Variants in ENO1 observed in about 807,000 individuals in gnomAD.
The protein encoded by ENO1 is alpha-enolase.
In ENO1, 33 loss-of-function variants were observed where a neutral mutation model predicts 46.3. The observed-to-expected ratio is 0.71, with a 90% CI of 0.54 to 0.95. The LOEUF is 0.95. Among genes scored for constraint, ENO1 ranks in the 40% least tolerant of loss-of-function variants. The pLI, the probability that ENO1 is intolerant of heterozygous loss-of-function variation, is 0.00. For missense variants in ENO1, 488 were observed against 553.3 expected (o/e 0.88, Z 1.18); for synonymous variants, 220 against 216.0 (o/e 1.02, Z -0.16).
rs760834032 is a variant in ENO1 at position 8,864,021 on chromosome 1, T to A, written c.937A>T (p.Ile313Phe). ...GTGAGATCATCCCCCACTACCTGGA[T>A]TCCTGCACTGGCTGTGAACTTCTGC... Reference protein sequence around the residue: ...AWQKFTASAGIQVVGDDLTVT... With the variant: ...AWQKFTASAGFQVVGDDLTVT... The change falls in exon 9 of 12, where the codon ATC (isoleucine) becomes TTC (phenylalanine). Residue 313 changes from isoleucine to phenylalanine, a missense_variant. Coordinates refer to ENST00000234590, the MANE Select transcript of ENO1 (RefSeq NM_001428.5). 5.6e-6 allele frequency: 9 copies of A among 1,614,166 alleles called. No homozygotes were observed. The highest frequency in any genetic ancestry group is 3.3e-4 in the Middle Eastern group (2 of 6,062).
At chr1:8,871,248 T>C (rs1642626894) in intron 3 of ENO1, 61 of 1,015,564 alleles carry the variant, frequency 6.0e-5, no homozygotes, top group Non-Finnish European at 6.9e-5. Context: ...GCAGCCTTTT[T>C]GGAGTTTTCC....
chr1:8,868,111 T>C (rs959012258), intron 4 of ENO1, 54 bp from the exon 5 acceptor site: 1 of 1,271,740 alleles, frequency 7.9e-7, no homozygotes, highest in African/African-American at 1.5e-5. Flanking sequence ...CTGCATAGCC[T>C]TTGCTCCCCT....
chr1:8,876,667 G>T (rs1642738515), intron 1 of ENO1, among the ~76,000 whole-genome samples: 1 of 152,118 alleles, frequency 6.6e-6, no homozygotes, highest in African/African-American at 2.4e-5. Flanking sequence ...GGAGGCCGAG[G>T]AGGGTGGATC....
rs774296904 is a variant in ENO1 at position 8,874,884 on chromosome 1, T to C, written c.25A>G (p.Arg9Gly). 8 of 1,613,846 alleles carry C rather than the reference T, an allele frequency of 5.0e-6. No individual in the cohort carries two copies. Among genetic ancestry groups the C allele is most frequent in the Non-Finnish European group, 5.1e-6 (6 of 1,179,906 alleles). The change falls in exon 2 of 12, where the codon AGG becomes GGG. Residue 9 changes from arginine to glycine, a missense_variant. Coordinates refer to ENST00000234590, the MANE Select transcript of ENO1 (RefSeq NM_001428.5). ...TTCCCGCGAGAGTCAAAGATCTCCC[T>C]GGCATGGATCTTGAGAATAGACATG... MSILKIHA[R>G]EIFDSRGNPT...
intron 4 of ENO1, among the ~76,000 whole-genome samples, chr1:8,869,870 T>G (rs757452775): frequency 3.3e-5 from 5 of 152,184 alleles, no homozygotes; most frequent in Non-Finnish European, 5.9e-5. Context: ...CGGAGTGTTT[T>G]TAGACAGGGG....
chr1:8,874,435 A>AGGTGT (rs962167475), intron 2 of ENO1, among the ~76,000 whole-genome samples: 2 of 151,868 alleles, frequency 1.3e-5, no homozygotes, highest in Non-Finnish European at 2.9e-5. Flanking sequence ...AAAATTAGCC[A>AGGTGT]GGTGTGGTGG....
At chr1:8,872,775 A>AATGCTAT (rs1557586414) in intron 2 of ENO1, among the ~76,000 whole-genome samples, 1 of 152,166 alleles carries the variant, frequency 6.6e-6, no homozygotes, top group Non-Finnish European at 1.5e-5. Flanking sequence ...GACAATGCTA[A>AATGCTAT]ATGCTATTTT....
At position 8,865,459 on chromosome 1, in the gene ENO1, T is replaced by C. The variant is rs1467324343; in HGVS notation, c.691A>G (p.Ile231Val). The C allele has an allele frequency of 6.2e-7, 1 of 1,613,292 alleles. No homozygotes were observed. The highest frequency in any genetic ancestry group is 2.2e-5 in the East Asian group (1 of 44,890). Residue 231 changes from isoleucine (I) to valine (V), a missense_variant, in exon 8 of 12, where the codon ATT becomes GTT. Physicochemically the swap from Ile to Val is conservative, Grantham distance 29. Transcript: ENST00000234590. ...KEGLELLKTA[I>V]GKAGYTDKVV... Reference sequence around the variant, plus strand: ...TTATCAGTGTAGCCAGCTTTCCCAATAGCAGTCTTCAGCAGCTCCAGGCCT... The same window carrying C: ...TTATCAGTGTAGCCAGCTTTCCCAACAGCAGTCTTCAGCAGCTCCAGGCCT...
chr1:8,878,202 C>A, intron 1 of ENO1: 1 of 185,824 alleles, frequency 5.4e-6, no homozygotes, highest in Non-Finnish European at 1.1e-5. Flanking sequence ...TGCGTCTATC[C>A]CAAAAACCTT....
intron 4 of ENO1, chr1:8,870,167 C>A (rs534759380): frequency 2.3e-6 from 1 of 444,386 alleles, no homozygotes. Flanking sequence ...CTCTTAAAAT[C>A]TGGATCTTAA....
chr1:8,872,083 G>T lies in ENO1; in HGVS notation c.86-97C>A, dbSNP rs28931272. The T allele has an allele frequency of 4.4e-5, 45 of 1,013,914 alleles. No individual in the cohort carries two copies. The African/African-American group carries it at 6.5e-4, about 15-fold the overall frequency. 62.8% of individuals were successfully genotyped at this position (1,013,914 alleles called of 1,614,324 possible). Reference sequence around the variant, plus strand: ...GCCCACAGATGCATTTGTCATTAGGGAGCTGTTTCTTCCTCCTACCAGCTG... The same window carrying T: ...GCCCACAGATGCATTTGTCATTAGGTAGCTGTTTCTTCCTCCTACCAGCTG... On this transcript the variant is annotated intron_variant, in intron 2 of 11. Coordinates refer to ENST00000234590, the MANE Select transcript of ENO1 (RefSeq NM_001428.5).
intron 9 of ENO1, among the ~76,000 whole-genome samples, 192 bp from the exon 10 acceptor site, chr1:8,863,535 C>A (rs1283216339): frequency 6.6e-6 from 1 of 152,194 alleles, no homozygotes; most frequent in African/African-American, 2.4e-5. Flanking sequence ...ACCCCCAGGA[C>A]CTTCTTAGCC....
intron 11 of ENO1, 33 bp from the exon 12 acceptor site, chr1:8,861,462 G>A: frequency 6.2e-7 from 1 of 1,610,796 alleles, no homozygotes; most frequent in Non-Finnish European, 8.5e-7. Flanking sequence ...AGATGGGGAG[G>A]AAAAAAGAAA....
chr1:8,871,483 C>T, intron 3 of ENO1: 1 of 1,012,590 alleles, frequency 9.9e-7, no homozygotes, highest in South Asian at 4.1e-5. Flanking sequence ...ATTGGTTAGA[C>T]CTTCCCTGGA....
At chr1:8,870,220 A>T in intron 4 of ENO1, 1 of 543,990 alleles carries the variant, frequency 1.8e-6, no homozygotes. Flanking sequence ...AAGAAACCTC[A>T]GGGCTCGAAG....
intron 7 of ENO1, 47 bp downstream of exon 7, chr1:8,866,232 C>A (rs1642510801): frequency 1.9e-6 from 3 of 1,547,808 alleles, no homozygotes; most frequent in African/African-American, 2.8e-5. Flanking sequence ...ACAGAGGGAG[C>A]TGGCGCTGCA....
At position 8,863,223 on chromosome 1, in the gene ENO1, G is replaced by A. The variant is rs777055807; in HGVS notation, c.1176+12C>T. ...GAGGTCAGAGAAGAAAGGAGGAGACGCTCATTCTTACCTGCCCAGTGCACA... is the reference window on the plus strand; with the variant it reads ...GAGGTCAGAGAAGAAAGGAGGAGACACTCATTCTTACCTGCCCAGTGCACA... On this transcript the variant is annotated intron_variant, in intron 10 of 11. Coordinates refer to ENST00000234590, the MANE Select transcript of ENO1 (RefSeq NM_001428.5). 1.6e-5 allele frequency: 25 copies of A among 1,612,884 alleles called. No individual in the cohort carries two copies. The highest frequency in any genetic ancestry group is 6.7e-5 in the African/African-American group (5 of 74,856).
rs78888703 is a variant in ENO1, at chr1:8,861,593, T to C, written c.1236-164A>G. 5.5e-3 allele frequency among the ~76,000 whole-genome samples: 833 copies of C among 152,162 alleles called. 5 individuals are homozygous for C. The highest frequency in any genetic ancestry group is 0.018 in the African/African-American group (747 of 41,514). On this transcript the variant is annotated intron_variant, in intron 11 of 11. Transcript: ENST00000234590. Reference sequence around the variant, plus strand: ...TCCACCTTCTTTAAACCCTCTAAACTTGTGCTTCTCTGAGAAGCCAGATAT... The same window carrying C: ...TCCACCTTCTTTAAACCCTCTAAACCTGTGCTTCTCTGAGAAGCCAGATAT...
intron 11 of ENO1, 21 bp from the exon 12 acceptor site, chr1:8,861,450 A>G: frequency 6.2e-7 from 1 of 1,613,816 alleles, no homozygotes; most frequent in Non-Finnish European, 8.5e-7. Flanking sequence ...AGAAAGGTAA[A>G]GAGATGGGGA....
Sources: allele counts gnomAD v4.1 joint callset (sites outside exome capture counted in the v4.1 genomes callset), GRCh38; gene constraint gnomAD v4.1.1; transcripts MANE v1.5; gene names NCBI Gene and HGNC (gene_info 2026-07-23, HGNC 2026-07-21).